NAALADL2: variants seen among roughly 807,000 people sequenced by gnomAD.
The protein encoded by NAALADL2 is N-acetylated alpha-linked acidic dipeptidase like 2, also known as inactive N-acetylated-alpha-linked acidic dipeptidase-like protein 2.
NAALADL2 carries 76 observed loss-of-function variants against 87.2 expected under a neutral mutation model. That is an observed-to-expected ratio of 0.87 (90% confidence interval 0.72 to 1.05). NAALADL2 has a LOEUF of 1.05. NAALADL2 is among the 50% of genes least tolerant of loss of function. The pLI is 0.00. For missense variants in NAALADL2, 1,089 were observed against 945.8 expected (o/e 1.15, Z -1.99); for synonymous variants, 354 against 331.0 (o/e 1.07, Z -0.75).
At chr3:174,632,420 T>C (rs1198615686) in intron 2 of NAALADL2, among the ~76,000 whole-genome samples, 2 of 152,126 alleles carry the variant, frequency 1.3e-5, no homozygotes, top group African/African-American at 4.8e-5. Flanking sequence ...ACAAATACAT[T>C]TGTAAAATAT....
Position 174,607,355 on chromosome 3 carries a change from A to T in NAALADL2, c.-115+56718A>T, listed in dbSNP as rs564380900. ...TGTAAATGGACTAAATGCTCCAATT[A>T]AAAGACACAGACTGGCAATTTGGAT... On this transcript the variant is annotated intron_variant, in intron 2 of 3. Transcript: ENST00000434257. 4.0e-5 allele frequency among the ~76,000 whole-genome samples: 6 copies of T among 151,728 alleles called. No individual in the cohort carries two copies. In the South Asian group the frequency reaches 1.0e-3, roughly 27 times the overall value.
chr3:175,699,429 C>T (rs995265924), intron 11 of NAALADL2, among the ~76,000 whole-genome samples: 2 of 151,980 alleles, frequency 1.3e-5, no homozygotes, highest in African/African-American at 4.8e-5. Flanking sequence ...GAAACATGCA[C>T]TAGATCTTAA....
chr3:174,904,944 CAT>C (rs1393429366), intron 1 of NAALADL2, among the ~76,000 whole-genome samples: 6 of 151,626 alleles, frequency 4.0e-5, no homozygotes, highest in South Asian at 2.1e-4. Flanking sequence ...AAGTCATAAA[CAT>C]AGCATTAAAA....
At chr3:174,734,836 T>C (rs943557486) in intron 2 of NAALADL2, among the ~76,000 whole-genome samples, 1 of 152,144 alleles carries the variant, frequency 6.6e-6, no homozygotes, top group Non-Finnish European at 1.5e-5. Flanking sequence ...TTTTATTCTG[T>C]ATTTTGGTAG....
chr3:175,099,792 A>G (rs1721805045), intron 2 of NAALADL2, among the ~76,000 whole-genome samples: 1 of 152,164 alleles, frequency 6.6e-6, no homozygotes, highest in African/African-American at 2.4e-5. Context: ...TATTTTTATA[A>G]TAGACTGCAG....
At chr3:174,459,709 G>C (rs755453174) in intron 1 of NAALADL2, 1 of 152,150 alleles carries the variant, frequency 6.6e-6, no homozygotes, top group Non-Finnish European at 1.5e-5. Context: ...CTTGGTTGCA[G>C]TCTTTGAAAT....
intron 2 of NAALADL2, among the ~76,000 whole-genome samples, chr3:174,670,767 C>G (rs1292612044): frequency 1.3e-5 from 2 of 151,998 alleles, no homozygotes; most frequent in South Asian, 2.1e-4. Flanking sequence ...CTTTGTTTAG[C>G]AGTGAACTGA....
intron 3 of NAALADL2, among the ~76,000 whole-genome samples, chr3:174,842,280 G>T (rs1340961113): frequency 6.6e-6 from 1 of 151,938 alleles, no homozygotes; most frequent in East Asian, 1.9e-4. Context: ...CGAACTCCTG[G>T]CCTCAGGTGA....
chr3:175,086,211 T>C (rs1366845093), intron 1 of NAALADL2, among the ~76,000 whole-genome samples: 1 of 152,212 alleles, frequency 6.6e-6, no homozygotes, highest in Non-Finnish European at 1.5e-5. Flanking sequence ...CCACTGGTTC[T>C]TTATAGTTTA....
intron 11 of NAALADL2, among the ~76,000 whole-genome samples, chr3:175,627,997 C>T (rs1230899568): frequency 6.6e-6 from 1 of 151,640 alleles, no homozygotes; most frequent in African/African-American, 2.4e-5. Flanking sequence ...ATGAAAAAGA[C>T]CGCATTGATA....
At chr3:175,336,722 G>A (rs768185025) in intron 5 of NAALADL2, among the ~76,000 whole-genome samples, 1 of 152,088 alleles carries the variant, frequency 6.6e-6, no homozygotes, top group Non-Finnish European at 1.5e-5. Context: ...CTAGAGTCTG[G>A]AAAATCAGTG....
chr3:175,271,159 A>G (rs947328202), intron 4 of NAALADL2: 6 of 152,212 alleles, frequency 3.9e-5, no homozygotes, highest in Non-Finnish European at 7.4e-5. Flanking sequence ...TGAGAATCAT[A>G]AGGATATCAA....
At chr3:175,712,877 G>T (rs1033668180) in intron 11 of NAALADL2, among the ~76,000 whole-genome samples, 14 of 151,954 alleles carry the variant, frequency 9.2e-5, no homozygotes, top group African/African-American at 3.4e-4. Context: ...TACTATGAGG[G>T]TTAGAAATCC....
At chr3:175,615,874 A>G (rs1582636927) in intron 10 of NAALADL2, among the ~76,000 whole-genome samples, 1 of 147,810 alleles carries the variant, frequency 6.8e-6, no homozygotes, top group African/African-American at 2.5e-5. Context: ...ATATATATAT[A>G]TGTATAATAT....
At chr3:174,472,609 T>C (rs780300013) in intron 1 of NAALADL2, among the ~76,000 whole-genome samples, 10 of 152,204 alleles carry the variant, frequency 6.6e-5, no homozygotes, top group Non-Finnish European at 1.2e-4. Flanking sequence ...AGGACAAAAT[T>C]ATTGCTCTCA....
chr3:175,168,747 A>T (rs1266572433), intron 2 of NAALADL2, among the ~76,000 whole-genome samples: 1 of 151,784 alleles, frequency 6.6e-6, no homozygotes, highest in Non-Finnish European at 1.5e-5. Context: ...TACAAAATCA[A>T]TTCAGGCCAA....
chr3:174,521,394 C>T lies in NAALADL2; in HGVS notation c.-183-29175C>T, dbSNP rs1434066587. Among the ~76,000 whole-genome samples, 8 of 151,642 alleles carry T rather than the reference C, an allele frequency of 5.3e-5. No homozygotes were observed. The East Asian group carries it at 1.2e-3, about 22-fold the overall frequency. On this transcript the variant is annotated intron_variant, in intron 1 of 3. Transcript: ENST00000434257. ...CAGCCTGGCCAACATGGTGAAACTC[C>T]GTCTATACCAAAAATACAAAAATTA...
intron 4 of NAALADL2, among the ~76,000 whole-genome samples, chr3:175,313,177 G>A (rs1758602707): frequency 6.6e-6 from 1 of 151,824 alleles, no homozygotes; most frequent in African/African-American, 2.4e-5. Flanking sequence ...TTGCATTAGG[G>A]CCCACCCATT....
intron 9 of NAALADL2, among the ~76,000 whole-genome samples, chr3:175,534,344 T>C (rs1288885297): frequency 2.0e-5 from 3 of 152,096 alleles, no homozygotes; most frequent in Non-Finnish European, 4.4e-5. Flanking sequence ...GGTCCCACAA[T>C]AGGCTGTCTG....
Sources: allele counts gnomAD v4.1 joint callset (sites outside exome capture counted in the v4.1 genomes callset), GRCh38; gene constraint gnomAD v4.1.1; transcripts MANE v1.5; gene names NCBI Gene and HGNC (gene_info 2026-07-23, HGNC 2026-07-21).